Variants in NDST3 observed in about 807,000 individuals in gnomAD.
NDST3 encodes the protein N-deacetylase and N-sulfotransferase 3, also known as bifunctional heparan sulfate N-deacetylase/N-sulfotransferase 3.
Under a neutral mutation model 96.1 loss-of-function variants are expected in NDST3, and 58 were observed. The observed-to-expected ratio is 0.60, with a 90% confidence interval of 0.49 to 0.75. The LOEUF is 0.75. NDST3 is among the 30% of genes least tolerant of loss of function. The pLI is 0.00. For synonymous variants in NDST3, 333 were observed against 359.7 expected (o/e 0.93, Z 0.84); for missense variants, 788 against 1,034.2 (o/e 0.76, Z 3.27).
chr4:118,104,090 A>T (rs1481174601), intron 2 of NDST3, among the ~76,000 whole-genome samples: 1 of 152,202 alleles, frequency 6.6e-6, no homozygotes, highest in Non-Finnish European at 1.5e-5. Flanking sequence ...AGAAAATAAG[A>T]TTTAGTTGTG....
chr4:118,135,532 T>C lies in NDST3; in HGVS notation c.1225-2522T>C, dbSNP rs79897647. Among the ~76,000 whole-genome samples, 867 of 152,188 alleles carry C rather than the reference T, an allele frequency of 5.7e-3. 11 individuals are homozygous for C. Among genetic ancestry groups the C allele is most frequent in the African/African-American group, 0.02 (833 of 41,504 alleles). On this transcript the variant is annotated intron_variant, in intron 4 of 13. Coordinates refer to ENST00000296499, the MANE Select transcript of NDST3 (RefSeq NM_004784.3). ...AACTATACTATCTTCCAAAATTACCTCTGAACCCCTTTGAGGTAATGCCCT... is the reference window on the plus strand; with the variant it reads ...AACTATACTATCTTCCAAAATTACCCCTGAACCCCTTTGAGGTAATGCCCT...
At chr4:118,185,945 C>T (rs1035862270) in intron 6 of NDST3, among the ~76,000 whole-genome samples, 1 of 152,122 alleles carries the variant, frequency 6.6e-6, no homozygotes, top group Non-Finnish European at 1.5e-5. Context: ...ATGACCAAAA[C>T]TTTAGTCATT....
chr4:118,203,025 G>C (rs773109017), intron 6 of NDST3, among the ~76,000 whole-genome samples: 4 of 152,138 alleles, frequency 2.6e-5, no homozygotes, highest in African/African-American at 4.8e-5. Flanking sequence ...AACATGAAGG[G>C]ATGTTGGATT....
chr4:118,232,256 G>A (rs182833912), intron 8 of NDST3, among the ~76,000 whole-genome samples: 53 of 152,090 alleles, frequency 3.5e-4, no homozygotes, highest in East Asian at 1.5e-3. Flanking sequence ...CCTTATTACC[G>A]TCAAAATGTC....
chr4:118,114,922 T>C lies in NDST3; in HGVS notation c.1186T>C (p.Leu396=). The C allele has an allele frequency of 1.2e-6, 2 of 1,614,116 alleles. No individual in the cohort carries two copies. The highest frequency in any genetic ancestry group is 1.3e-5 in the African/African-American group (1 of 75,040). ...CCACCTCTTCCACAATGAGTCATCTTTGGTGGAGCAGATGATTCTCAACAA... is the reference window on the plus strand; with the variant it reads ...CCACCTCTTCCACAATGAGTCATCTCTGGTGGAGCAGATGATTCTCAACAA... ...QPHLFHNESS[L]VEQMILNKKF... Residue 396 remains leucine (L), a synonymous_variant, in exon 4 of 14, where the codon TTG becomes CTG. Transcript: ENST00000296499.
At chr4:118,152,568 G>A (rs992393840) in intron 6 of NDST3, among the ~76,000 whole-genome samples, 23 of 152,108 alleles carry the variant, frequency 1.5e-4, no homozygotes, top group African/African-American at 5.3e-4. Context: ...ATATTTTTCT[G>A]ATGAGGTCGC....
At chr4:118,116,499 T>C (rs973450213) in intron 4 of NDST3, among the ~76,000 whole-genome samples, 4 of 152,128 alleles carry the variant, frequency 2.6e-5, no homozygotes, top group African/African-American at 9.7e-5. Flanking sequence ...CTTGAACGAA[T>C]CAATGAATGC....
At chr4:118,252,410 A>G (rs1225664523) in intron 12 of NDST3, among the ~76,000 whole-genome samples, 1 of 152,226 alleles carries the variant, frequency 6.6e-6, no homozygotes, top group African/African-American at 2.4e-5. Context: ...GTGTTCAACT[A>G]ATACTTGGCA....
In NDST3 at chr4:118,184,787, A is replaced by C. The variant is rs573750722; in HGVS notation, c.1540-39704A>C. On this transcript the variant is annotated intron_variant, in intron 6 of 13. Transcript: ENST00000296499. ...ATGCATCAAAGGAATACTCTGTACT[A>C]TGTACTTACTTGCTGTAAGCATGTT... Among the ~76,000 whole-genome samples the C allele has an allele frequency of 1.2e-4, 18 of 152,280 alleles. No homozygotes were observed. The South Asian group carries it at 3.7e-3, about 32-fold the overall frequency.
chr4:118,164,682 A>G (rs954300921), intron 6 of NDST3, among the ~76,000 whole-genome samples: 1 of 152,116 alleles, frequency 6.6e-6, no homozygotes, highest in Non-Finnish European at 1.5e-5. Flanking sequence ...AAAATAGATA[A>G]TACTGTAATA....
chr4:118,163,432 T>A (rs1361782431), intron 6 of NDST3, among the ~76,000 whole-genome samples: 3 of 152,046 alleles, frequency 2.0e-5, no homozygotes, highest in African/African-American at 7.2e-5. Context: ...TAAAAAATGA[T>A]GAGTTCATGT....
chr4:118,207,013 A>G (rs1738477498), intron 6 of NDST3, among the ~76,000 whole-genome samples: 1 of 143,658 alleles, frequency 7.0e-6, no homozygotes, highest in South Asian at 2.4e-4. Context: ...ATATATAATA[A>G]GAATGGGGAA....
At chr4:118,093,399 A>G (rs1729039449) in intron 2 of NDST3, among the ~76,000 whole-genome samples, 1 of 151,844 alleles carries the variant, frequency 6.6e-6, no homozygotes, top group African/African-American at 2.4e-5. Context: ...TATGGAATTA[A>G]TTAGTTGATG....
chr4:118,245,767 T>C (rs1463337276), intron 12 of NDST3, among the ~76,000 whole-genome samples: 9 of 152,286 alleles, frequency 5.9e-5, no homozygotes, highest in South Asian at 2.1e-4. Flanking sequence ...AAAATAAATA[T>C]ACATTTATAT....
chr4:118,155,983 A>C (rs1734687044), intron 6 of NDST3, among the ~76,000 whole-genome samples: 1 of 152,218 alleles, frequency 6.6e-6, no homozygotes, highest in African/African-American at 2.4e-5. Flanking sequence ...AATGACACCC[A>C]GTAGCAAAGA....
At chr4:118,253,408 T>A (rs609512) in intron 12 of NDST3, 91 bp from the exon 13 acceptor site, 248,189 of 709,698 alleles carry the variant, frequency 0.35, 46,985 homozygotes, top group Admixed American at 0.4. Context: ...TATGTATTGG[T>A]CACTATATCA....
chr4:118,104,950 G>T, intron 2 of NDST3, 68 bp from the exon 3 acceptor site: 2 of 1,262,082 alleles, frequency 1.6e-6, no homozygotes, highest in South Asian at 1.2e-5. Context: ...ATGCAAAAAG[G>T]ATATATCTTT....
chr4:118,097,935 T>G (rs140196002), intron 2 of NDST3, among the ~76,000 whole-genome samples: 34 of 152,070 alleles, frequency 2.2e-4, no homozygotes, highest in African/African-American at 7.5e-4. Flanking sequence ...GTGAATAGGA[T>G]AGACATTGCT....
chr4:118,245,727 T>C (rs1186930720), intron 12 of NDST3, among the ~76,000 whole-genome samples: 1 of 152,192 alleles, frequency 6.6e-6, no homozygotes, highest in Non-Finnish European at 1.5e-5. Flanking sequence ...TAATTTCTTA[T>C]TATAAATTTT....
Sources: allele counts gnomAD v4.1 joint callset (sites outside exome capture counted in the v4.1 genomes callset), GRCh38; gene constraint gnomAD v4.1.1; transcripts MANE v1.5; gene names NCBI Gene and HGNC (gene_info 2026-07-23, HGNC 2026-07-21).